OR2C1: variants seen among roughly 807,000 people sequenced by gnomAD.
OR2C1 encodes olfactory receptor family 2 subfamily C member 1.
For missense variants in OR2C1, 468 were observed against 388.3 expected (o/e 1.21, Z -1.73); for synonymous variants, 209 against 167.3 (o/e 1.25, Z -1.92).
chr16:3,323,823 G>C, the OR2C1 span: 1 of 1,101,376 alleles, frequency 9.1e-7, no homozygotes, highest in Non-Finnish European at 1.3e-6. Context: ...TTTGCCAAAA[G>C]TGCCTGCTTT....
chr16:3,323,139 T>C, the OR2C1 span: 5 of 555,696 alleles, frequency 9.0e-6, no homozygotes, highest in Admixed American at 1.3e-4. Flanking sequence ...CAAAAACACA[T>C]GCTTCCACTT....
chr16:3,326,765 G>A, the OR2C1 span, among the ~76,000 whole-genome samples: 2 of 152,208 alleles, frequency 1.3e-5, no homozygotes, highest in South Asian at 4.1e-4. Context: ...AACAAATCCA[G>A]CTCTTGCTGG....
the OR2C1 span, among the ~76,000 whole-genome samples, chr16:3,345,250 TGAGGTCGGCAGATCAC>T: frequency 2.1e-4 from 32 of 151,960 alleles, no homozygotes; most frequent in African/African-American, 7.7e-4. Context: ...GGGCAGATCA[TGAGGTCGGCAGATCAC>T]GAGGTCAACA....
the OR2C1 span, among the ~76,000 whole-genome samples, chr16:3,342,112 G>A: frequency 5.3e-5 from 8 of 152,178 alleles, no homozygotes; most frequent in South Asian, 2.1e-4. Context: ...TTAGCTAGGC[G>A]TGGTGGCACA....
chr16:3,342,955 G>T, the OR2C1 span, among the ~76,000 whole-genome samples: 1 of 152,164 alleles, frequency 6.6e-6, no homozygotes, highest in African/African-American at 2.4e-5. Context: ...ATTATGCTGA[G>T]TGATAATAGC....
At position 3,357,228 on chromosome 16, in the gene OR2C1, A is replaced by C. The variant is rs2030696313; in HGVS notation, c.*349A>C. 1 of 219,998 alleles carries C rather than the reference A, an allele frequency of 4.5e-6. No homozygotes were observed. The highest frequency in any genetic ancestry group is 2.3e-5 in the African/African-American group (1 of 43,364). 13.6% of individuals were successfully genotyped at this position (219,998 alleles called of 1,614,324 possible). A position where few individuals can be genotyped will look rare whatever the true frequency, so the allele number is the denominator to read the frequency against. On this transcript the variant is annotated 3_prime_UTR_variant, in exon 1 of 1. Transcript: ENST00000304936. ...TTCTGCAGAATTCTGTACTTTTCTAAGCAAAGCACCTCCACTTGCAGTATC... is the reference window on the plus strand; with the variant it reads ...TTCTGCAGAATTCTGTACTTTTCTACGCAAAGCACCTCCACTTGCAGTATC...
In OR2C1 at chr16:3,356,116, T is replaced by C. The variant is rs1442435910; in HGVS notation, c.176T>C (p.Met59Thr). ...SRLEARLHTP[M>T]YFFLSNLSSL... ...CTGGAGGCCCGGCTCCATACACCCA[T>C]GTACTTCTTCCTCAGCAACCTCTCC... Residue 59 changes from methionine to threonine, a missense_variant, in exon 1 of 1, where the codon ATG (methionine) becomes ACG (threonine). Met to Thr is a moderately conservative substitution (Grantham distance 81, BLOSUM62 -1). Coordinates refer to ENST00000304936, the MANE Select transcript of OR2C1 (RefSeq NM_012368.3). The C allele has an allele frequency of 1.2e-6, 2 of 1,614,070 alleles. No individual in the cohort carries two copies. The highest frequency in any genetic ancestry group is 2.7e-5 in the African/African-American group (2 of 74,920).
chr16:3,345,319 C>G, the OR2C1 span, among the ~76,000 whole-genome samples: 2 of 151,770 alleles, frequency 1.3e-5, no homozygotes, highest in African/African-American at 4.8e-5. Context: ...CCCGTCTCTA[C>G]TAAAAAAATA....
chr16:3,346,385 G>C, the OR2C1 span, among the ~76,000 whole-genome samples: 1 of 152,152 alleles, frequency 6.6e-6, no homozygotes, highest in East Asian at 1.9e-4. Context: ...GATCTCAGAG[G>C]AGATGCAAGT....
the OR2C1 span, among the ~76,000 whole-genome samples, chr16:3,347,522 C>G: frequency 6.6e-6 from 1 of 150,912 alleles, no homozygotes; most frequent in East Asian, 1.9e-4. Flanking sequence ...AGTGCAGTGT[C>G]CCCTCCTCCG....
At chr16:3,337,878 T>G in the OR2C1 span, among the ~76,000 whole-genome samples, 7 of 152,192 alleles carry the variant, frequency 4.6e-5, no homozygotes, top group Non-Finnish European at 1.0e-4. Context: ...CTTGCTTTGA[T>G]TTTCATTGAA....
chr16:3,333,603 G>A, the OR2C1 span, among the ~76,000 whole-genome samples: 1 of 152,172 alleles, frequency 6.6e-6, no homozygotes, highest in African/African-American at 2.4e-5. Context: ...CCAAAGTGCT[G>A]GGATTACAGG....
rs771207519 is a variant in OR2C1 at position 3,356,915 on chromosome 16, T to G, written c.*36T>G. 4.1e-6 allele frequency: 6 copies of G among 1,450,900 alleles called. No homozygotes were observed. Among genetic ancestry groups the G allele is most frequent in the Non-Finnish European group, 5.5e-6 (6 of 1,082,582 alleles). The allele number at this position is 1,450,900 out of a possible 1,614,324, so 89.9% of individuals were successfully genotyped here. On this transcript the variant is annotated 3_prime_UTR_variant, in exon 1 of 1. Coordinates refer to ENST00000304936, the MANE Select transcript of OR2C1 (RefSeq NM_012368.3). ...CTTCGTTATTTATTGCGTCTTCATC[T>G]CTACATGCGTTTCTCATTAACTCTC...
chr16:3,357,557 A>T (rs1433536782), downstream of OR2C1, among the ~76,000 whole-genome samples: 1 of 152,030 alleles, frequency 6.6e-6, no homozygotes, highest in Non-Finnish European at 1.5e-5. Flanking sequence ...TTTTTTACAG[A>T]TGGGGTCTCA....
the OR2C1 span, among the ~76,000 whole-genome samples, chr16:3,334,375 A>G: frequency 6.6e-6 from 1 of 150,836 alleles, no homozygotes; most frequent in African/African-American, 2.4e-5. Flanking sequence ...TGACCTTGTG[A>G]TCCGCCTGCC....
downstream of OR2C1, among the ~76,000 whole-genome samples, chr16:3,357,779 C>T (rs549681204): frequency 2.4e-4 from 36 of 151,714 alleles, no homozygotes; most frequent in Non-Finnish European, 4.4e-4. Flanking sequence ...GTCAGGAGTT[C>T]GGGACCAGCC....
rs138530420 is a variant in OR2C1, at chr16:3,356,511, G to T, written c.571G>T (p.Asp191Tyr). ...VPAMIKLACG[D>Y]TSLNQAVLNG... ...TGCCATGATCAAACTGGCCTGTGGC[G>T]ACACAAGTCTCAACCAGGCTGTGCT... Residue 191 changes from aspartate (D) to tyrosine (Y), a missense_variant, in exon 1 of 1, where the codon GAC becomes TAC. By Grantham distance (160) the Asp-to-Tyr change is radical. Coordinates refer to ENST00000304936, the MANE Select transcript of OR2C1 (RefSeq NM_012368.3). The T allele has an allele frequency of 4.1e-4, 667 of 1,614,106 alleles. 4 individuals carry two copies. In the Middle Eastern group the frequency reaches 4.6e-3, roughly 11 times the overall value.
chr16:3,330,070 C>G, the OR2C1 span, among the ~76,000 whole-genome samples: 1 of 150,742 alleles, frequency 6.6e-6, no homozygotes, highest in South Asian at 2.1e-4. Flanking sequence ...TTAACAACAT[C>G]AAAGAAAAAG....
At chr16:3,331,850 G>C in the OR2C1 span, among the ~76,000 whole-genome samples, 4 of 150,052 alleles carry the variant, frequency 2.7e-5, no homozygotes, top group Non-Finnish European at 4.4e-5. Context: ...TGATAGACTG[G>C]ATTAAGAAAA....
Sources: allele counts gnomAD v4.1 joint callset (sites outside exome capture counted in the v4.1 genomes callset), GRCh38; gene constraint gnomAD v4.1.1; transcripts MANE v1.5; gene names NCBI Gene and HGNC (gene_info 2026-07-23, HGNC 2026-07-21).